The following RBL1 variants were observed in gnomAD, a reference collection of about 807,000 sequenced individuals.
RBL1 encodes RB transcriptional corepressor like 1, also known as retinoblastoma-like protein 1.
In RBL1, 82 loss-of-function variants were observed where a neutral mutation model predicts 123.0. The ratio of observed to expected loss-of-function variants is 0.67; its 90% confidence interval spans 0.56 to 0.80. The LOEUF (loss-of-function observed/expected upper bound fraction) is 0.80, where lower values mean the gene tolerates loss of function less well. Ranked by LOEUF, RBL1 falls within the 30% of genes least tolerant of loss-of-function variation. RBL1 has a pLI of 0.00. For missense variants in RBL1, 1,171 were observed against 1,299.6 expected, an observed-to-expected ratio of 0.90 and a Z score of 1.52; for synonymous variants, 405 against 441.3, an observed-to-expected ratio of 0.92 and a Z score of 1.03.
chr20:37,054,416 G>A (rs933607931), intron 11 of RBL1, among the ~76,000 whole-genome samples: 2 of 152,044 alleles, frequency 1.3e-5, no homozygotes, highest in South Asian at 4.1e-4. Context: ...CTCGCGAGGC[G>A]GAGGTTGCAG....
intron 19 of RBL1, among the ~76,000 whole-genome samples, chr20:37,008,722 C>T (rs1274551090): frequency 6.6e-6 from 1 of 152,038 alleles, no homozygotes; most frequent in African/African-American, 2.4e-5. Flanking sequence ...ATGCCTTCAC[C>T]TTAGGAAAAC....
chr20:37,011,195 C>T (rs2064142967), intron 19 of RBL1, among the ~76,000 whole-genome samples: 1 of 152,134 alleles, frequency 6.6e-6, no homozygotes, highest in Non-Finnish European at 1.5e-5. Flanking sequence ...CTACAATACA[C>T]TTGAGTACAG....
chr20:37,015,633 T>C (rs1475833578), intron 19 of RBL1, among the ~76,000 whole-genome samples: 1 of 152,162 alleles, frequency 6.6e-6, no homozygotes, highest in African/African-American at 2.4e-5. Flanking sequence ...GGTTTCACCG[T>C]GTTAGCCAGG....
At chr20:37,087,516 G>A (rs898298777) in intron 2 of RBL1, among the ~76,000 whole-genome samples, 4 of 152,140 alleles carry the variant, frequency 2.6e-5, no homozygotes, top group African/African-American at 7.2e-5. Flanking sequence ...GAGCTGAGGA[G>A]TTTGAGGCTG....
intron 11 of RBL1, among the ~76,000 whole-genome samples, chr20:37,054,031 A>ACT (rs1338892720): frequency 9.7e-6 from 1 of 103,288 alleles, no homozygotes; most frequent in East Asian, 6.7e-4. Context: ...AATTTTATAC[A>ACT]CACACACACA....
In RBL1 at chr20:37,056,230, T is replaced by C; in HGVS notation, c.1279A>G (p.Ile427Val). 6.2e-7 allele frequency: 1 copy of C among 1,610,430 alleles called. No homozygotes were observed. Among genetic ancestry groups the C allele is most frequent in the Non-Finnish European group, 8.5e-7 (1 of 1,179,614 alleles). The change falls in exon 10 of 22, where the codon ATT becomes GTT. Residue 427 changes from isoleucine to valine, a missense_variant. Physicochemically the swap from Ile to Val is conservative, Grantham distance 29. Coordinates refer to ENST00000373664, the MANE Select transcript of RBL1 (RefSeq NM_002895.5). ...ESCVRNPVEN[I>V]MKILKGIGET... ...CCTATTCCTTTTAGTATTTTCATAATGTTTTCCACAGGATTACGCACACAA... is the reference window on the plus strand; with the variant it reads ...CCTATTCCTTTTAGTATTTTCATAACGTTTTCCACAGGATTACGCACACAA...
chr20:37,086,633 T>C (rs1454871375), intron 2 of RBL1, among the ~76,000 whole-genome samples: 2 of 152,240 alleles, frequency 1.3e-5, no homozygotes, highest in African/African-American at 4.8e-5. Context: ...TCCTCTTCTA[T>C]TCTGGAAACA....
intron 1 of RBL1, among the ~76,000 whole-genome samples, chr20:37,092,872 T>C (rs1249434376): frequency 6.6e-6 from 1 of 152,128 alleles, no homozygotes; most frequent in African/African-American, 2.4e-5. Context: ...TAAAATCCTA[T>C]TTCATAAAAA....
intron 9 of RBL1, among the ~76,000 whole-genome samples, chr20:37,059,638 C>T (rs1466494400): frequency 1.3e-5 from 2 of 152,214 alleles, no homozygotes; most frequent in Non-Finnish European, 2.9e-5. Flanking sequence ...CTTTCCCCAA[C>T]ACTGCTTAGG....
chr20:37,053,688 T>C (rs1379173325), intron 11 of RBL1, among the ~76,000 whole-genome samples: 1 of 152,230 alleles, frequency 6.6e-6, no homozygotes, highest in Non-Finnish European at 1.5e-5. Context: ...CCTGTTTATA[T>C]CAGTTAGCCT....
At chr20:37,094,941 G>T (rs1320253118) in intron 1 of RBL1, among the ~76,000 whole-genome samples, 1 of 152,116 alleles carries the variant, frequency 6.6e-6, no homozygotes, top group Admixed American at 6.6e-5. Flanking sequence ...CCCAGCCTGG[G>T]TTTCTATATT....
intron 9 of RBL1, among the ~76,000 whole-genome samples, chr20:37,058,169 A>ACTATTC (rs1204664855): frequency 1.3e-5 from 2 of 149,792 alleles, no homozygotes; most frequent in Admixed American, 6.7e-5. Context: ...TCCAGGGTTC[A>ACTATTC]CTATTCCTAG....
intron 1 of RBL1, among the ~76,000 whole-genome samples, chr20:37,089,794 C>T (rs1009888868): frequency 1.7e-4 from 26 of 152,152 alleles, no homozygotes; most frequent in African/African-American, 5.5e-4. Context: ...TTGCCAGGCG[C>T]GGTGGCTCAT....
intron 2 of RBL1, among the ~76,000 whole-genome samples, chr20:37,086,672 A>T (rs1327225193): frequency 6.6e-6 from 1 of 152,204 alleles, no homozygotes; most frequent in African/African-American, 2.4e-5. Flanking sequence ...AATGACCACA[A>T]ATAGTTTTGT....
At chr20:37,006,583 G>A (rs559397402) in intron 20 of RBL1, among the ~76,000 whole-genome samples, 1 of 150,972 alleles carries the variant, frequency 6.6e-6, no homozygotes, top group South Asian at 2.1e-4. Flanking sequence ...GCTCATGCCT[G>A]TAATCCCAGC....
At chr20:37,049,335 A>G (rs1270091686) in intron 11 of RBL1, 1 of 676,256 alleles carries the variant, frequency 1.5e-6, no homozygotes, top group Non-Finnish European at 2.7e-6. Flanking sequence ...AAATGTAAAG[A>G]CCAAGATCCA....
Position 37,088,896 on chromosome 20 carries a change from AAATT to A in RBL1, c.290+89_290+92del, listed in dbSNP as rs2065600153. On this transcript the variant is annotated intron_variant, in intron 2 of 21. Coordinates refer to ENST00000373664, the MANE Select transcript of RBL1 (RefSeq NM_002895.5). Reference sequence around the variant, plus strand: ...ATAAATAAATAAATAAATAAAATAAAAATTAAATGAAGTCAAATGATCTCAAAAC... The same window carrying A: ...ATAAATAAATAAATAAATAAAATAAAAAATGAAGTCAAATGATCTCAAAAC... 7.1e-6 allele frequency: 6 copies of A among 850,682 alleles called. No individual in the cohort carries two copies. In the Admixed American group the frequency reaches 1.7e-4, roughly 24 times the overall value. 52.7% of individuals were successfully genotyped at this position (850,682 alleles called of 1,614,324 possible). A position where few individuals can be genotyped will look rare whatever the true frequency, so the allele number is the denominator to read the frequency against.
At chr20:37,075,534 C>T (rs1418746082) in intron 2 of RBL1, among the ~76,000 whole-genome samples, 2 of 152,056 alleles carry the variant, frequency 1.3e-5, no homozygotes, top group African/African-American at 2.4e-5. Context: ...TGGCTCACTG[C>T]AACCTCCACC....
intron 21 of RBL1, among the ~76,000 whole-genome samples, chr20:36,999,714 C>T (rs1288277863): frequency 3.9e-5 from 6 of 152,252 alleles, no homozygotes; most frequent in Admixed American, 2.0e-4. Context: ...GGCCGGTCTC[C>T]AGCTCCTAAC....
Sources: allele counts gnomAD v4.1 joint callset (sites outside exome capture counted in the v4.1 genomes callset), GRCh38; gene constraint gnomAD v4.1.1; transcripts MANE v1.5; gene names NCBI Gene and HGNC (gene_info 2026-07-23, HGNC 2026-07-21).